Variants in SHISA9 observed in about 807,000 individuals in gnomAD.
SHISA9 encodes the protein protein shisa-9.
Under a neutral mutation model 38.0 loss-of-function variants are expected in SHISA9, and 13 were observed. The observed-to-expected ratio is 0.34, with a 90% CI of 0.22 to 0.54. The LOEUF is 0.54. Ranked by LOEUF, SHISA9 falls within the 20% of genes least tolerant of loss-of-function variation. SHISA9 has a pLI of 0.91. For synonymous variants in SHISA9, 275 were observed against 242.0 expected (o/e 1.14, Z -1.27); for missense variants, 538 against 575.8 (o/e 0.93, Z 0.67).
the SHISA9 span, among the ~76,000 whole-genome samples, chr16:13,359,227 TA>T: frequency 6.6e-6 from 1 of 151,846 alleles, no homozygotes; most frequent in African/African-American, 2.4e-5. Flanking sequence ...TTCACTGTAA[TA>T]TTTTTTGGGG....
chr16:13,214,391 A>G (rs114741543), intron 4 of SHISA9, among the ~76,000 whole-genome samples: 5,378 of 151,928 alleles, frequency 0.035, 198 homozygotes, highest in African/African-American at 0.097. Context: ...TTTTTTTAGT[A>G]GAAACGGGGT....
chr16:13,293,975 C>G, the SHISA9 span, among the ~76,000 whole-genome samples: 3 of 152,198 alleles, frequency 2.0e-5, no homozygotes, highest in African/African-American at 7.2e-5. Flanking sequence ...GGGTACCCAG[C>G]TGACACTGGC....
At chr16:13,037,116 A>ACACACG (rs1158558009) in intron 2 of SHISA9, among the ~76,000 whole-genome samples, 52 of 123,224 alleles carry the variant, frequency 4.2e-4, no homozygotes, top group African/African-American at 1.7e-3. Flanking sequence ...ACAGACACAC[A>ACACACG]CACACACACA....
At chr16:13,027,955 G>A (rs868439326) in intron 2 of SHISA9, among the ~76,000 whole-genome samples, 1,328 of 107,740 alleles carry the variant, frequency 0.012, 18 homozygotes, top group African/African-American at 0.031. Context: ...AAAAAAAAAA[G>A]AATGTATACT....
chr16:12,917,276 C>G (rs2071270792), intron 2 of SHISA9, among the ~76,000 whole-genome samples: 1 of 152,204 alleles, frequency 6.6e-6, no homozygotes, highest in Non-Finnish European at 1.5e-5. Flanking sequence ...TTATGAAATA[C>G]TAGTTCAGAA....
chr16:12,906,223 G>T (rs889391574), intron 1 of SHISA9, among the ~76,000 whole-genome samples: 1 of 152,202 alleles, frequency 6.6e-6, no homozygotes, highest in African/African-American at 2.4e-5. Context: ...GAGCTGCAAG[G>T]GACCCTGAAT....
chr16:13,252,732 C>A, the SHISA9 span, among the ~76,000 whole-genome samples: 1 of 152,318 alleles, frequency 6.6e-6, no homozygotes, highest in Non-Finnish European at 1.5e-5. Flanking sequence ...TCTGTCTCTT[C>A]TCACTGGGAT....
intron 2 of SHISA9, among the ~76,000 whole-genome samples, chr16:13,011,242 T>C (rs1446413179): frequency 6.6e-6 from 1 of 152,158 alleles, no homozygotes; most frequent in Non-Finnish European, 1.5e-5. Flanking sequence ...AACATGATGT[T>C]ATGAGATGCG....
At position 12,902,434 on chromosome 16, in the gene SHISA9, G is replaced by C. The variant is rs1386375816; in HGVS notation, c.370G>C (p.Asp124His). The C allele has an allele frequency of 1.9e-5, 29 of 1,551,096 alleles. No homozygotes were observed. Among genetic ancestry groups the C allele is most frequent in the Non-Finnish European group, 2.3e-5 (26 of 1,146,966 alleles). The change falls in exon 1 of 5, where the codon GAC becomes CAC. Residue 124 changes from aspartate (D) to histidine (H), a missense_variant. Asp to His is a moderately conservative substitution (Grantham distance 81). Around this residue, in one of 4 missense-constraint regions of SHISA9, gnomAD observed 88 missense variants for 109.7 expected, o/e 0.80. Transcript: ENST00000558583. ...RLNQSTCTNY[D>H]TPLWLNTGKP... ...GAACCAAAGCACCTGCACCAACTAC[G>C]ACACGCCGCTCTGGCTCAACACCGG... is the stretch of plus-strand genomic sequence containing the variant.
chr16:13,380,783 C>G, the SHISA9 span, among the ~76,000 whole-genome samples: 138 of 152,038 alleles, frequency 9.1e-4, 1 homozygote, highest in Non-Finnish European at 1.7e-3. Context: ...CAACCCTTCA[C>G]TTTCATTAGG....
intron 2 of SHISA9, among the ~76,000 whole-genome samples, chr16:13,046,221 T>C (rs187254939): frequency 1.2e-3 from 182 of 152,294 alleles, no homozygotes; most frequent in African/African-American, 4.2e-3. Context: ...AGAATCATAG[T>C]TGTATTTGAG....
Position 13,149,929 on chromosome 16 carries a change from A to T in SHISA9, c.692-53465A>T, listed in dbSNP as rs1175653645. 2.7e-5 allele frequency among the ~76,000 whole-genome samples: 4 copies of T among 146,862 alleles called. No individual in the cohort carries two copies. The East Asian group carries it at 8.3e-4, about 31-fold the overall frequency. On this transcript the variant is annotated intron_variant, in intron 2 of 4. Coordinates refer to ENST00000558583, the MANE Select transcript of SHISA9 (RefSeq NM_001145204.3). ...GATAGAGCAATACTCCATCTCAAAA[A>T]AAAGAAAAAAAAAAAGGAAAAAAAA...
chr16:13,210,530 T>G (rs77997550), intron 3 of SHISA9, among the ~76,000 whole-genome samples: 8,455 of 152,326 alleles, frequency 0.056, 441 homozygotes, highest in African/African-American at 0.13. Context: ...ATAGCACTTT[T>G]TGAAACAACA....
At chr16:12,941,342 T>G (rs1046891502) in intron 2 of SHISA9, among the ~76,000 whole-genome samples, 15 of 139,820 alleles carry the variant, frequency 1.1e-4, no homozygotes, top group African/African-American at 3.9e-4. Context: ...CAGAGTGAGA[T>G]TCCATCTAAA....
At chr16:13,179,821 T>C (rs2050762393) in intron 2 of SHISA9, among the ~76,000 whole-genome samples, 2 of 152,100 alleles carry the variant, frequency 1.3e-5, no homozygotes, top group African/African-American at 4.8e-5. Context: ...AAGGTTAGAG[T>C]GTAAAATTCC....
intron 2 of SHISA9, among the ~76,000 whole-genome samples, chr16:12,920,386 G>A (rs1466483468): frequency 1.3e-5 from 2 of 152,146 alleles, no homozygotes; most frequent in African/African-American, 4.8e-5. Context: ...CAGAAAGGTT[G>A]CAAAGATAGT....
the SHISA9 span, among the ~76,000 whole-genome samples, chr16:13,339,764 C>G: frequency 2.0e-5 from 3 of 152,124 alleles, no homozygotes; most frequent in Non-Finnish European, 2.9e-5. Context: ...TGTTGAGTAA[C>G]CTGCTCAAAC....
chr16:13,232,171 G>C (rs2051337664), intron 4 of SHISA9, among the ~76,000 whole-genome samples: 1 of 152,208 alleles, frequency 6.6e-6, no homozygotes, highest in Non-Finnish European at 1.5e-5. Flanking sequence ...GACACTGTGA[G>C]ATCCCAACGT....
At chr16:13,037,604 C>G (rs181174682) in intron 2 of SHISA9, among the ~76,000 whole-genome samples, 5 of 152,154 alleles carry the variant, frequency 3.3e-5, no homozygotes, top group Non-Finnish European at 5.9e-5. Context: ...GGGAATCAAA[C>G]CTGGGGCCCT....
Sources: allele counts gnomAD v4.1 joint callset (sites outside exome capture counted in the v4.1 genomes callset), GRCh38; gene constraint gnomAD v4.1.1; regional missense constraint gnomAD v4.1.1; transcripts MANE v1.5; gene names NCBI Gene and HGNC (gene_info 2026-07-23, HGNC 2026-07-21).